DMD: variants seen among roughly 807,000 people sequenced by gnomAD.
DMD encodes the protein mutant dystrophin.
Under a neutral mutation model 330.1 loss-of-function variants are expected in DMD, and 63 were observed. The ratio of observed to expected loss-of-function variants is 0.19; its 90% CI spans 0.16 to 0.24. The LOEUF is 0.24. Among genes scored for constraint, DMD ranks in the 10% least tolerant of loss-of-function variants. The pLI is 1.00. For missense variants in DMD, 3,344 were observed against 2,684.1 expected (o/e 1.25, Z -5.43); for synonymous variants, 1,223 against 959.8 (o/e 1.27, Z -5.07).
intron 25 of DMD, among the ~76,000 whole-genome samples, chrX:32,462,082 C>A (rs1205455447): frequency 1.8e-5 from 2 of 110,839 alleles, no homozygotes; most frequent in Non-Finnish European, 3.8e-5. Flanking sequence ...AAATTGAAAC[C>A]CCTTATTAAT....
intron 18 of DMD, among the ~76,000 whole-genome samples, chrX:32,506,230 T>G (rs748385940): frequency 9.0e-6 from 1 of 110,874 alleles, no homozygotes; most frequent in South Asian, 3.9e-4. Context: ...AATATACCAC[T>G]CTAGTGGGAA....
At chrX:32,183,586 A>ATATATATAAATATATATATATG (rs1557196749) in intron 44 of DMD, among the ~76,000 whole-genome samples, 1 of 99,061 alleles carries the variant, frequency 1.0e-5, no homozygotes, top group Non-Finnish European at 2.0e-5. Flanking sequence ...ATATATATAT[A>ATATATATAAATATATATATATG]TATGTATGTA....
chrX:31,753,539 T>A (rs942221820), intron 51 of DMD, among the ~76,000 whole-genome samples: 17 of 111,953 alleles, frequency 1.5e-4, no homozygotes, highest in Non-Finnish European at 2.8e-4. Context: ...CTAGATTTTT[T>A]AAATCTCAAA....
At chrX:32,322,531 C>A (rs1467389295) in intron 41 of DMD, among the ~76,000 whole-genome samples, 1 of 110,244 alleles carries the variant, frequency 9.1e-6, no homozygotes, top group Non-Finnish European at 1.9e-5. Flanking sequence ...TCGCGGCACT[C>A]CAGCTTGGGC....
At chrX:32,853,311 T>C (rs1431089161) in intron 2 of DMD, among the ~76,000 whole-genome samples, 1 of 111,893 alleles carries the variant, frequency 8.9e-6, no homozygotes, top group Non-Finnish European at 1.9e-5. Flanking sequence ...ACTATTGTAA[T>C]ACTGTAATTG....
intron 60 of DMD, among the ~76,000 whole-genome samples, chrX:31,385,044 G>C (rs1316115948): frequency 8.9e-6 from 1 of 112,102 alleles, no homozygotes; most frequent in Non-Finnish European, 1.9e-5. Flanking sequence ...TAAAACATTA[G>C]GCTTTCCAAA....
At chrX:31,869,202 C>T (rs949622962) in intron 48 of DMD, among the ~76,000 whole-genome samples, 1 of 111,044 alleles carries the variant, frequency 9.0e-6, no homozygotes, top group East Asian at 2.8e-4. Flanking sequence ...TTAAAATAGC[C>T]TATTTGGTAA....
intron 13 of DMD, among the ~76,000 whole-genome samples, chrX:32,582,473 A>G (rs1211597404): frequency 8.9e-6 from 1 of 111,997 alleles, no homozygotes; most frequent in Non-Finnish European, 1.9e-5. Context: ...ATAAAACATT[A>G]TTGAGAGAAA....
chrX:32,481,365 T>A (rs939913207), intron 21 of DMD, among the ~76,000 whole-genome samples: 5 of 111,675 alleles, frequency 4.5e-5, no homozygotes, highest in African/African-American at 1.6e-4. Context: ...CTCCTCAGAC[T>A]TGTATTGCAT....
chrX:33,108,753 C>G (rs1389814973), intron 1 of DMD, among the ~76,000 whole-genome samples: 1 of 104,609 alleles, frequency 9.6e-6, no homozygotes, highest in African/African-American at 3.4e-5. Flanking sequence ...GGAGGGCCAA[C>G]TACTCATGAG....
chrX:32,411,201 G>A (rs1015326342), intron 30 of DMD, among the ~76,000 whole-genome samples: 1 of 111,445 alleles, frequency 9.0e-6, no homozygotes, highest in East Asian at 2.8e-4. Flanking sequence ...TGCAATCTCG[G>A]CTCACTGCAA....
intron 55 of DMD, among the ~76,000 whole-genome samples, chrX:31,521,730 T>C (rs1192041584): frequency 8.9e-6 from 1 of 111,755 alleles, no homozygotes; most frequent in Non-Finnish European, 1.9e-5. Flanking sequence ...GATACGGTTT[T>C]AAATTTAGCA....
In DMD at chrX:32,438,253, T is replaced by G; in HGVS notation, c.4059A>C (p.Glu1353Asp). The G allele has an allele frequency of 8.3e-7, 1 of 1,211,275 alleles. No individual in the cohort carries two copies. The highest frequency in any genetic ancestry group is 1.1e-6 in the Non-Finnish European group (1 of 895,198). ...ELETFNSRWRELHEEAVRRQK... is the reference protein window; with the variant it reads ...ELETFNSRWRDLHEEAVRRQK... Reference sequence around the variant, plus strand: ...CTTATCTTCATACCTCTTCATGTAGTTCCCTCCAACGAGAATTAAATGTCT... The same window carrying G: ...CTTATCTTCATACCTCTTCATGTAGGTCCCTCCAACGAGAATTAAATGTCT... Residue 1353 changes from glutamate (E) to aspartate (D), a missense_variant, in exon 29 of 79, where the codon GAA becomes GAC. Glu to Asp is a conservative substitution (Grantham distance 45, BLOSUM62 2). Transcript: ENST00000357033.
chrX:32,495,103 T>C (rs997083159), intron 19 of DMD, among the ~76,000 whole-genome samples: 3 of 112,252 alleles, frequency 2.7e-5, no homozygotes, highest in Non-Finnish European at 5.6e-5. Context: ...TTTCTAGATG[T>C]TACTAGAAAA....
intron 51 of DMD, among the ~76,000 whole-genome samples, chrX:31,761,971 G>C (rs1277481318): frequency 1.8e-5 from 2 of 112,103 alleles, no homozygotes; most frequent in African/African-American, 6.5e-5. Context: ...AGACTAGCAA[G>C]GTTTTATAAC....
At chrX:31,495,864 G>A (rs2069795036) in intron 57 of DMD, among the ~76,000 whole-genome samples, 1 of 111,796 alleles carries the variant, frequency 8.9e-6, no homozygotes, top group African/African-American at 3.3e-5. Context: ...GAACACCTGT[G>A]AAGCAGTCTT....
At position 31,627,654 on chromosome X, in the gene DMD, G is replaced by A; in HGVS notation, c.8217+19C>T. ...CAATTGGATCCACAAGAGTGCTAAA[G>A]CGGAAATGCCTGACTTACTTGCCAT... On this transcript the variant is annotated intron_variant, in intron 55 of 78. Coordinates refer to ENST00000357033, the MANE Select transcript of DMD (RefSeq NM_004006.3). 3 of 1,206,703 alleles carry A rather than the reference G, an allele frequency of 2.5e-6. No individual in the cohort carries two copies. Among genetic ancestry groups the A allele is most frequent in the Non-Finnish European group, 3.4e-6 (3 of 891,874 alleles).
At chrX:32,389,098 T>C (rs1254966958) in intron 32 of DMD, among the ~76,000 whole-genome samples, 1 of 111,743 alleles carries the variant, frequency 8.9e-6, no homozygotes, top group East Asian at 2.8e-4. Context: ...TCAGGTAATC[T>C]GTAGCCTTAA....
chrX:33,038,877 C>G (rs1487744253), intron 1 of DMD, among the ~76,000 whole-genome samples: 4 of 110,706 alleles, frequency 3.6e-5, no homozygotes, highest in Non-Finnish European at 7.6e-5. Flanking sequence ...ACCTGTAATC[C>G]CAGCTACTCG....
Sources: allele counts gnomAD v4.1 joint callset (sites outside exome capture counted in the v4.1 genomes callset), GRCh38; gene constraint gnomAD v4.1.1; transcripts MANE v1.5; gene names NCBI Gene and HGNC (gene_info 2026-07-23, HGNC 2026-07-21).